MTRR: variants seen among roughly 807,000 people sequenced by gnomAD.
The protein encoded by MTRR is methionine synthase reductase.
In MTRR, 63 loss-of-function variants were observed where a neutral mutation model predicts 79.2. The ratio of observed to expected loss-of-function variants is 0.80; its 90% CI spans 0.65 to 0.98. MTRR has a LOEUF of 0.98. Among genes scored for constraint, MTRR ranks in the 50% least tolerant of loss-of-function variants. MTRR has a pLI of 0.00. For missense variants in MTRR, 895 were observed against 839.6 expected, an observed-to-expected ratio of 1.07 and a Z score of -0.82; for synonymous variants, 355 against 313.3, an observed-to-expected ratio of 1.13 and a Z score of -1.41.
chr5:7,889,275 G>A lies in MTRR; in HGVS notation c.1327G>A (p.Glu443Lys), dbSNP rs1364559668. The A allele has an allele frequency of 9.3e-6, 15 of 1,612,390 alleles. No homozygotes were observed. The highest frequency in any genetic ancestry group is 7.7e-5 in the South Asian group (7 of 91,014). ...CCAGCCACCACTCAGTCTCCTGCTC[G>A]GTGAGTAGTCGCTTTCACAAGCACC... ...SCQPPLSLLL[E>K]HLPKLQPRPY... The change falls in exon 9 of 15, where the codon GAA becomes AAA. Residue 443 changes from glutamate to lysine, a missense_variant and splice_region_variant. By Grantham distance (56) the Glu-to-Lys change is moderately conservative. Transcript: ENST00000440940.
rs574288079 is a variant in MTRR at position 7,900,390 on chromosome 5, G to C, written c.*332G>C. The C allele has an allele frequency of 3.6e-5, 10 of 280,436 alleles. No individual in the cohort carries two copies. Among genetic ancestry groups the C allele is most frequent in the African/African-American group, 1.1e-4 (5 of 45,452 alleles). The allele number at this position is 280,436 out of a possible 1,614,324, so 17.4% of individuals were successfully genotyped here. A position where few individuals can be genotyped will look rare whatever the true frequency, so the allele number is the denominator to read the frequency against. On this transcript the variant is annotated 3_prime_UTR_variant, in exon 15 of 15. Transcript: ENST00000440940. ...AGAGACTCTGTCCTTCCATGCAAAG[G>C]CTTCCTGAAATAGGGAGACTGACTG...
chr5:7,890,024 C>G (rs1251813620), intron 9 of MTRR, among the ~76,000 whole-genome samples: 1 of 152,180 alleles, frequency 6.6e-6, no homozygotes. Flanking sequence ...GGGGTGAAGA[C>G]TAAGCGCTTT....
At chr5:7,874,622 CAT>C (rs1561164041) in intron 3 of MTRR, among the ~76,000 whole-genome samples, 1 of 116,938 alleles carries the variant, frequency 8.6e-6, no homozygotes, top group African/African-American at 3.3e-5. Context: ...CACCATGAGA[CAT>C]AGAAGCAATT....
In MTRR at chr5:7,871,549, G is replaced by T. The variant is rs541638583; in HGVS notation, c.129+626G>T. 4.6e-5 allele frequency among the ~76,000 whole-genome samples: 7 copies of T among 152,254 alleles called. No individual in the cohort carries two copies. The East Asian group carries it at 1.4e-3, about 29-fold the overall frequency. The stretch of plus-strand genomic sequence containing the variant: ...ATTCAGGCGATAACAGTTGGCAGGG[G>T]CTTTATACCACAAGATGATTTGCCA... On this transcript the variant is annotated intron_variant, in intron 2 of 14. Transcript: ENST00000440940.
At chr5:7,877,904 T>C in intron 4 of MTRR, 40 bp from the exon 5 acceptor site, 1 of 1,606,024 alleles carries the variant, frequency 6.2e-7, no homozygotes, top group Non-Finnish European at 8.5e-7. Context: ...ATGGAGAACT[T>C]AGGCATTTGT....
At chr5:7,863,061 A>C in intron 2 of MTRR, 1 of 1,428,816 alleles carries the variant, frequency 7.0e-7, no homozygotes, top group East Asian at 2.3e-5. Context: ...GAATAAATTG[A>C]AGGTTACCTA....
At chr5:7,857,437 C>T (rs1054172484) in intron 1 of MTRR, among the ~76,000 whole-genome samples, 2 of 152,176 alleles carry the variant, frequency 1.3e-5, no homozygotes, top group Admixed American at 6.5e-5. Context: ...TCATGTACTT[C>T]GGGATTAAAA....
chr5:7,878,020 C>G lies in MTRR; in HGVS notation c.478C>G (p.Gln160Glu). ...LRKHFRSSRGQEEISGALPVA... is the reference protein window; with the variant it reads ...LRKHFRSSRGEEEISGALPVA... ...AAAGCATTTTAGGTCAAGCAGAGGA[C>G]AAGAGGAGATAAGTGGCGCACTCCC... is the stretch of plus-strand genomic sequence containing the variant. The change falls in exon 5 of 15, where the codon CAA (glutamine) becomes GAA (glutamate). Residue 160 changes from glutamine to glutamate, a missense_variant. Coordinates refer to ENST00000440940, the MANE Select transcript of MTRR (RefSeq NM_002454.3). 1 of 1,613,606 alleles carries G rather than the reference C, an allele frequency of 6.2e-7. No individual in the cohort carries two copies. The highest frequency in any genetic ancestry group is 8.5e-7 in the Non-Finnish European group (1 of 1,179,970).
chr5:7,893,093 T>A, intron 11 of MTRR, 180 bp downstream of exon 11: 1 of 676,076 alleles, frequency 1.5e-6, no homozygotes, highest in Non-Finnish European at 2.5e-6. Flanking sequence ...ACTCTTTAAC[T>A]AGTGTGTGTA....
At chr5:7,890,412 G>A in intron 9 of MTRR, 2 of 985,230 alleles carry the variant, frequency 2.0e-6, no homozygotes, top group Non-Finnish European at 2.4e-6. Context: ...CAGAACACAG[G>A]GTGGGGAGTT....
chr5:7,890,507 A>G (rs772083754), intron 9 of MTRR: 18 of 760,842 alleles, frequency 2.4e-5, no homozygotes, highest in Non-Finnish European at 2.9e-5. Context: ...TTAGAATGTT[A>G]GAATGTTTGT....
chr5:7,899,287 C>T (rs1008197959), intron 14 of MTRR, among the ~76,000 whole-genome samples: 2 of 152,130 alleles, frequency 1.3e-5, no homozygotes, highest in Non-Finnish European at 2.9e-5. Context: ...AGTTACACTT[C>T]CTACCCTCAA....
intron 3 of MTRR, 43 bp downstream of exon 3, chr5:7,873,569 A>G (rs747906783): frequency 2.5e-6 from 4 of 1,600,702 alleles, no homozygotes; most frequent in Non-Finnish European, 2.6e-6. Context: ...TATACTATTG[A>G]TATCTCTGGT....
intron 10 of MTRR, among the ~76,000 whole-genome samples, chr5:7,891,847 C>T (rs58637987): frequency 6.6e-6 from 1 of 152,166 alleles, no homozygotes; most frequent in African/African-American, 2.4e-5. Context: ...TCAAGACCAT[C>T]CTGGCTAACA....
chr5:7,869,308 C>A, intron 1 of MTRR, 93 bp downstream of exon 1: 1 of 1,487,466 alleles, frequency 6.7e-7, no homozygotes, highest in East Asian at 2.3e-5. Flanking sequence ...GGTGGGCAGC[C>A]GGCTTGCGCC....
chr5:7,885,279 A>G lies in MTRR; in HGVS notation c.904-422A>G, dbSNP rs574813232. The stretch of plus-strand genomic sequence containing the variant: ...GTAAAGTAAGGAGAAGAAAATTGAA[A>G]ACCAATGCATTTGACCATAATTAGT... On this transcript the variant is annotated intron_variant, in intron 6 of 14. Transcript: ENST00000440940. 218 of 188,514 alleles carry G rather than the reference A, an allele frequency of 1.2e-3. 4 individuals carry two copies. The highest frequency in any genetic ancestry group is 2.4e-3 in the Admixed American group (44 of 18,180). 11.7% of individuals were successfully genotyped at this position (188,514 alleles called of 1,614,324 possible).
intron 3 of MTRR, among the ~76,000 whole-genome samples, chr5:7,874,710 A>T (rs915347182): frequency 1.4e-5 from 2 of 147,580 alleles, no homozygotes; most frequent in East Asian, 4.0e-4. Flanking sequence ...CTTTCTTTCT[A>T]TATCAGGAGT....
upstream of MTRR, chr5:7,869,121 C>T: frequency 1.2e-6 from 2 of 1,613,564 alleles, no homozygotes; most frequent in South Asian, 1.1e-5. Flanking sequence ...TCTATTGGTC[C>T]TGGGTACCGA....
intron 8 of MTRR, 88 bp from the exon 9 acceptor site, chr5:7,889,007 G>T: frequency 6.7e-7 from 1 of 1,484,766 alleles, no homozygotes; most frequent in South Asian, 1.2e-5. Context: ...GGGTAATTGG[G>T]TGCATCCCTA....
Sources: allele counts gnomAD v4.1 joint callset (sites outside exome capture counted in the v4.1 genomes callset), GRCh38; gene constraint gnomAD v4.1.1; transcripts MANE v1.5; gene names NCBI Gene and HGNC (gene_info 2026-07-23, HGNC 2026-07-21).